Variants in VWC2 observed in about 807,000 individuals in gnomAD.
VWC2 encodes brorin.
In VWC2, 14 loss-of-function variants were observed where a neutral mutation model predicts 29.8. The ratio of observed to expected loss-of-function variants is 0.47; its 90% CI spans 0.31 to 0.74. VWC2 has a LOEUF of 0.74. Among genes scored for constraint, VWC2 ranks in the 30% least tolerant of loss-of-function variants. The probability of loss-of-function intolerance (pLI) is 0.05; values close to 1 mark genes in which losing one functional copy is unlikely to be tolerated. For synonymous variants in VWC2, 213 were observed against 199.0 expected (o/e 1.07, Z -0.59); for missense variants, 457 against 459.8 (o/e 0.99, Z 0.05).
chr7:49,898,747 A>G (rs1792535332), intron 3 of VWC2, among the ~76,000 whole-genome samples: 1 of 152,116 alleles, frequency 6.6e-6, no homozygotes, highest in Non-Finnish European at 1.5e-5. Context: ...AGATACTCTC[A>G]TTACCCACAA....
chr7:49,893,436 C>T lies in VWC2; in HGVS notation c.827-18598C>T, dbSNP rs76743475. The stretch of plus-strand genomic sequence containing the variant: ...ATGAAGATTATTTCTTCCATAGAGA[C>T]AAAATTTGATTTTTTTCGTGCTTGT... On this transcript the variant is annotated intron_variant, in intron 3 of 3. Transcript: ENST00000340652. Among the ~76,000 whole-genome samples, 1,281 of 152,250 alleles carry T rather than the reference C, an allele frequency of 8.4e-3. 21 individuals carry two copies. Among genetic ancestry groups the T allele is most frequent in the African/African-American group, 0.029 (1,203 of 41,544 alleles).
chr7:49,778,494 T>C (rs1479955996), intron 2 of VWC2, among the ~76,000 whole-genome samples: 5 of 152,228 alleles, frequency 3.3e-5, no homozygotes, highest in African/African-American at 1.2e-4. Flanking sequence ...AAAGATTTTA[T>C]AGTGTTAGAG....
At position 49,782,133 on chromosome 7, in the gene VWC2, C is replaced by G. The variant is rs1462809549; in HGVS notation, c.696+6002C>G. Among the ~76,000 whole-genome samples the G allele has an allele frequency of 3.3e-5, 5 of 152,296 alleles. No individual in the cohort carries two copies. The East Asian group carries it at 9.6e-4, about 29-fold the overall frequency. On this transcript the variant is annotated intron_variant, in intron 2 of 3. Transcript: ENST00000340652. ...AAATTCCCAGATTGCCTAATTCTTA[C>G]AAAAATGAAATGATTCCCAGATGGC...
At chr7:49,830,254 T>C (rs1789494480) in intron 3 of VWC2, among the ~76,000 whole-genome samples, 1 of 151,810 alleles carries the variant, frequency 6.6e-6, no homozygotes, top group South Asian at 2.1e-4. Flanking sequence ...TCTTTAAAAT[T>C]TGAAAAAAAA....
Position 49,775,422 on chromosome 7 carries a change from G to A in VWC2, c.-14G>A, listed in dbSNP as rs1202690846. 12 of 1,346,312 alleles carry A rather than the reference G, an allele frequency of 8.9e-6. No individual in the cohort carries two copies. Among genetic ancestry groups the A allele is most frequent in the Non-Finnish European group, 1.1e-5 (12 of 1,050,462 alleles). The allele number at this position is 1,346,312 out of a possible 1,614,324, so 83.4% of individuals were successfully genotyped here. On this transcript the variant is annotated 5_prime_UTR_variant, in exon 2 of 4. Transcript: ENST00000340652. The stretch of plus-strand genomic sequence containing the variant: ...GCGCTCCCCGCCCGCCCGCCCGCCG[G>A]GACGTGGTAGGGGATGCCCAGCTCC...
intron 3 of VWC2, among the ~76,000 whole-genome samples, chr7:49,868,916 G>T (rs1334395790): frequency 2.0e-5 from 3 of 152,232 alleles, no homozygotes; most frequent in Non-Finnish European, 4.4e-5. Context: ...ACTGCACCTG[G>T]CCTGGGAGAT....
At chr7:49,869,022 GA>G (rs766503119) in intron 3 of VWC2, among the ~76,000 whole-genome samples, 2 of 152,124 alleles carry the variant, frequency 1.3e-5, no homozygotes, top group African/African-American at 2.4e-5. Context: ...TATGAATTAA[GA>G]AAATATTAGT....
At chr7:49,778,795 G>C (rs1241709050) in intron 2 of VWC2, among the ~76,000 whole-genome samples, 1 of 152,236 alleles carries the variant, frequency 6.6e-6, no homozygotes, top group Non-Finnish European at 1.5e-5. Context: ...TTCAGAGAGA[G>C]ATTGTAGTCT....
chr7:49,805,939 A>T (rs1171120746), intron 3 of VWC2, among the ~76,000 whole-genome samples: 1 of 152,242 alleles, frequency 6.6e-6, no homozygotes, highest in African/African-American at 2.4e-5. Context: ...GCATCAAAGG[A>T]GCAGAAGTTG....
At chr7:49,849,204 A>C (rs1021791711) in intron 3 of VWC2, among the ~76,000 whole-genome samples, 2 of 152,208 alleles carry the variant, frequency 1.3e-5, no homozygotes, top group Non-Finnish European at 2.9e-5. Flanking sequence ...TGTGGGGGGA[A>C]ACCAATACAG....
intron 3 of VWC2, among the ~76,000 whole-genome samples, chr7:49,858,489 G>C (rs1488570715): frequency 6.7e-6 from 1 of 150,060 alleles, no homozygotes; most frequent in Non-Finnish European, 1.5e-5. Context: ...CTCACTCATA[G>C]GTGGGAATTG....
intron 2 of VWC2, among the ~76,000 whole-genome samples, chr7:49,792,183 G>A (rs530269087): frequency 7.9e-5 from 12 of 152,278 alleles, no homozygotes; most frequent in South Asian, 2.1e-4. Context: ...GTTGTTTCCC[G>A]GAATCAGTCC....
intron 3 of VWC2, among the ~76,000 whole-genome samples, chr7:49,908,902 A>G (rs1042478426): frequency 2.0e-5 from 3 of 152,230 alleles, no homozygotes; most frequent in Non-Finnish European, 2.9e-5. Flanking sequence ...TAAAGATTTT[A>G]TATTCTACAG....
intron 2 of VWC2, among the ~76,000 whole-genome samples, chr7:49,776,677 C>G (rs2128700587): frequency 6.6e-6 from 1 of 152,290 alleles, no homozygotes; most frequent in East Asian, 1.9e-4. Flanking sequence ...GTGAAACCAA[C>G]AAGTGCAGTT....
Position 49,776,066 on chromosome 7 carries a change from T to A in VWC2, c.631T>A (p.Cys211Ser). Reference protein sequence around the residue: ...HVDTSQCCPQCKERKNYCEFR... With the variant: ...HVDTSQCCPQSKERKNYCEFR... The stretch of plus-strand genomic sequence containing the variant: ...CGACACGAGCCAGTGCTGCCCGCAG[T>A]GCAAGGAGAGGAAGAACTACTGCGA... The change falls in exon 2 of 4, where the codon TGC (cysteine) becomes AGC (serine). Residue 211 changes from cysteine to serine, a missense_variant. Around this residue, in one of 2 missense-constraint regions of VWC2, gnomAD observed 185 missense variants for 257.1 expected, o/e 0.72. Transcript: ENST00000340652. The A allele has an allele frequency of 6.4e-7, 1 of 1,554,966 alleles. No individual in the cohort carries two copies. Among genetic ancestry groups the A allele is most frequent in the Non-Finnish European group, 8.6e-7 (1 of 1,156,224 alleles).
intron 3 of VWC2, among the ~76,000 whole-genome samples, chr7:49,903,900 G>A (rs1562764630): frequency 6.6e-6 from 1 of 152,102 alleles, no homozygotes; most frequent in Non-Finnish European, 1.5e-5. Context: ...AGATGCGCTG[G>A]ATTTTATATT....
At chr7:49,843,470 T>A (rs957672426) in intron 3 of VWC2, among the ~76,000 whole-genome samples, 2 of 152,228 alleles carry the variant, frequency 1.3e-5, no homozygotes, top group African/African-American at 2.4e-5. Context: ...CTACCATTAA[T>A]GAGTTTGGAC....
intron 2 of VWC2, among the ~76,000 whole-genome samples, chr7:49,790,217 T>C (rs1788435103): frequency 6.6e-6 from 1 of 152,240 alleles, no homozygotes; most frequent in South Asian, 2.1e-4. Flanking sequence ...ATTTAAAAGA[T>C]GTTAGTAGAC....
intron 3 of VWC2, among the ~76,000 whole-genome samples, chr7:49,903,280 C>CT (rs1315467643): frequency 1.1e-4 from 16 of 152,200 alleles, no homozygotes; most frequent in Middle Eastern, 3.4e-3. Flanking sequence ...AGGAGAAAGA[C>CT]TATGTTCACA....
Sources: allele counts gnomAD v4.1 joint callset (sites outside exome capture counted in the v4.1 genomes callset), GRCh38; gene constraint gnomAD v4.1.1; regional missense constraint gnomAD v4.1.1; transcripts MANE v1.5; gene names NCBI Gene and HGNC (gene_info 2026-07-23, HGNC 2026-07-21).